SPATA6L: variants seen among roughly 807,000 people sequenced by gnomAD.
SPATA6L encodes the protein spermatogenesis associated 6 like.
SPATA6L carries 68 observed loss-of-function variants against 49.2 expected under a neutral mutation model. The observed-to-expected ratio is 1.38, with a 90% CI of 1.14 to 1.69. SPATA6L has a LOEUF of 1.69. Among genes scored for constraint, SPATA6L ranks in the 40% most tolerant of loss-of-function variants. The probability of loss-of-function intolerance (pLI) is 0.00; values close to 1 mark genes in which losing one functional copy is unlikely to be tolerated. For synonymous variants in SPATA6L, 198 were observed against 165.7 expected (o/e 1.19, Z -1.50); for missense variants, 668 against 464.3 (o/e 1.44, Z -4.03).
intron 9 of SPATA6L, among the ~76,000 whole-genome samples, chr9:4,606,329 G>T (rs59954285): frequency 0.057 from 7,721 of 134,302 alleles, 627 homozygotes; most frequent in African/African-American, 0.14. Context: ...CTCTGTAGGC[G>T]CCACGTCTGG....
At chr9:4,661,561 G>A (rs953353933) in intron 2 of SPATA6L, among the ~76,000 whole-genome samples, 2 of 151,886 alleles carry the variant, frequency 1.3e-5, no homozygotes, top group Non-Finnish European at 2.9e-5. Flanking sequence ...AAGGTCCACA[G>A]TTTATTAATA....
At chr9:4,663,707 T>G (rs1234347462) in intron 1 of SPATA6L, 1 of 169,636 alleles carries the variant, frequency 5.9e-6, no homozygotes, top group Non-Finnish European at 1.4e-5. Context: ...ATCCTAGTCC[T>G]TTTCCTGAGG....
intron 3 of SPATA6L, among the ~76,000 whole-genome samples, chr9:4,645,155 A>T (rs1426033243): frequency 6.6e-6 from 1 of 152,240 alleles, no homozygotes. Flanking sequence ...AAAATGTAAA[A>T]ACCAAAAATA....
intron 2 of SPATA6L, among the ~76,000 whole-genome samples, chr9:4,658,901 G>A (rs1587520067): frequency 6.8e-6 from 1 of 146,756 alleles, no homozygotes; most frequent in Non-Finnish European, 1.5e-5. Context: ...AGTGCCCCAA[G>A]GTCTTGCCAC....
intron 2 of SPATA6L, 80 bp downstream of exon 2, chr9:4,661,819 A>G (rs1339439596): frequency 3.3e-6 from 5 of 1,503,710 alleles, no homozygotes; most frequent in Non-Finnish European, 4.5e-6. Flanking sequence ...TTACCAAATA[A>G]TGCTGTAAGA....
intron 9 of SPATA6L, among the ~76,000 whole-genome samples, chr9:4,607,499 TAAAGA>T (rs1424952815): frequency 2.6e-5 from 4 of 152,154 alleles, no homozygotes; most frequent in Non-Finnish European, 5.9e-5. Flanking sequence ...TCCACATTCT[TAAAGA>T]AAAGAATTTT....
chr9:4,660,218 G>T (rs917017097), intron 2 of SPATA6L, among the ~76,000 whole-genome samples: 1 of 152,156 alleles, frequency 6.6e-6, no homozygotes, highest in Non-Finnish European at 1.5e-5. Flanking sequence ...CACAGCAAAA[G>T]AAACTACCAT....
intron 3 of SPATA6L, among the ~76,000 whole-genome samples, chr9:4,651,078 C>G (rs551804782): frequency 5.9e-5 from 9 of 152,086 alleles, no homozygotes; most frequent in Non-Finnish European, 1.2e-4. Context: ...TCACAGCTCA[C>G]TGCAGCCTCA....
chr9:4,642,601 C>T (rs1163850499), intron 3 of SPATA6L, among the ~76,000 whole-genome samples: 1 of 152,198 alleles, frequency 6.6e-6, no homozygotes, highest in Admixed American at 6.5e-5. Flanking sequence ...CAGTGATATC[C>T]ACAGCAGGCA....
At chr9:4,617,239 T>C (rs1023625073) in intron 9 of SPATA6L, among the ~76,000 whole-genome samples, 5 of 152,194 alleles carry the variant, frequency 3.3e-5, no homozygotes, top group African/African-American at 1.2e-4. Flanking sequence ...GATTGGCTTA[T>C]CCTTCATTCA....
At chr9:4,590,823 C>T (rs1004081376) in intron 13 of SPATA6L, among the ~76,000 whole-genome samples, 1 of 152,228 alleles carries the variant, frequency 6.6e-6, no homozygotes, top group Non-Finnish European at 1.5e-5. Flanking sequence ...GTCTGGATGC[C>T]TGTCCCCCAT....
chr9:4,642,883 C>G (rs981538105), intron 3 of SPATA6L, among the ~76,000 whole-genome samples: 2 of 151,820 alleles, frequency 1.3e-5, no homozygotes, highest in African/African-American at 4.8e-5. Flanking sequence ...TCACTTTATA[C>G]AGAAGGAAAG....
intron 9 of SPATA6L, among the ~76,000 whole-genome samples, chr9:4,605,822 T>C (rs929878190): frequency 1.3e-5 from 2 of 152,236 alleles, no homozygotes; most frequent in Non-Finnish European, 2.9e-5. Context: ...GATGGCCGAA[T>C]AGGAACAGCT....
intron 6 of SPATA6L, among the ~76,000 whole-genome samples, chr9:4,623,009 G>T (rs1029324983): frequency 2.6e-5 from 4 of 152,184 alleles, no homozygotes; most frequent in African/African-American, 9.7e-5. Flanking sequence ...GCCGGGTACA[G>T]TGGCTCACAC....
At chr9:4,633,818 T>G (rs1403535137) in intron 4 of SPATA6L, 1 of 152,128 alleles carries the variant, frequency 6.6e-6, no homozygotes, top group East Asian at 1.9e-4. Context: ...CCAAAAACCA[T>G]TGCTATGGGA....
chr9:4,645,421 G>A (rs976578830), intron 3 of SPATA6L, among the ~76,000 whole-genome samples: 1 of 152,088 alleles, frequency 6.6e-6, no homozygotes, highest in Non-Finnish European at 1.5e-5. Flanking sequence ...ATGGTTGAGG[G>A]GCTGTGTCTG....
chr9:4,636,084 A>G (rs4740794), intron 3 of SPATA6L, among the ~76,000 whole-genome samples: 22,003 of 151,810 alleles, frequency 0.14, 2,590 homozygotes, highest in East Asian at 0.33. Context: ...AAATAATTAT[A>G]TAACTATGTT....
At position 4,661,909 on chromosome 9, in the gene SPATA6L, C is replaced by A; in HGVS notation, c.167G>T (p.Arg56Ile). The A allele has an allele frequency of 1.9e-6, 3 of 1,613,692 alleles. No individual in the cohort carries two copies. The highest frequency in any genetic ancestry group is 2.2e-5 in the East Asian group (1 of 44,864). Residue 56 changes from arginine (R) to isoleucine (I), a missense_variant, in exon 2 of 12, where the codon AGA (arginine) becomes ATA (isoleucine). Transcript: ENST00000682582. ...AFPIMIQESM[R>I]FEKVFESAVD... ...GAAAGTCAAGATCACCTTTTCAAAT[C>A]TCATGCTCTCCTGAATCATAATGGG...
At chr9:4,617,622 T>G (rs1828308122) in intron 9 of SPATA6L, 2 of 256,476 alleles carry the variant, frequency 7.8e-6, no homozygotes, top group Non-Finnish European at 1.5e-5. Context: ...TTTCAAACTT[T>G]CTGTGGTGAA....
Sources: gnomAD v4.1 joint callset for allele counts (sites outside exome capture counted in the v4.1 genomes callset) on GRCh38, gnomAD v4.1.1 for gene constraint, MANE v1.5 for transcripts, NCBI Gene and HGNC (gene_info 2026-07-23, HGNC 2026-07-21) for gene names.